The following CNKSR2 variants were observed in gnomAD, a reference collection of about 807,000 sequenced individuals.
The protein encoded by CNKSR2 is connector enhancer of kinase suppressor of Ras 2.
In CNKSR2, 14 loss-of-function variants were observed where a neutral mutation model predicts 84.4. The observed-to-expected ratio is 0.17, with a 90% CI of 0.11 to 0.26. The LOEUF (loss-of-function observed/expected upper bound fraction) is 0.26, where lower values mean the gene tolerates loss of function less well. Among genes scored for constraint, CNKSR2 ranks in the 10% least tolerant of loss-of-function variants. CNKSR2 has a pLI of 1.00. For missense variants in CNKSR2, 485 were observed against 771.2 expected (o/e 0.63, Z 4.40); for synonymous variants, 275 against 277.9 (o/e 0.99, Z 0.10).
intron 3 of CNKSR2, among the ~76,000 whole-genome samples, chrX:21,436,850 C>T (rs911430939): frequency 3.6e-5 from 4 of 111,129 alleles, no homozygotes; most frequent in African/African-American, 9.8e-5. Flanking sequence ...ATTGGAGCCC[C>T]ACCTGACCTT....
intron 13 of CNKSR2, among the ~76,000 whole-genome samples, chrX:21,582,344 G>C (rs1297714089): frequency 8.9e-6 from 1 of 112,237 alleles, no homozygotes; most frequent in African/African-American, 3.2e-5. Flanking sequence ...TAATCTTTCT[G>C]TTTTGGAGAA....
intron 1 of CNKSR2, among the ~76,000 whole-genome samples, chrX:21,398,907 C>T: frequency 9.2e-6 from 1 of 108,941 alleles, no homozygotes; most frequent in Non-Finnish European, 1.9e-5. Flanking sequence ...AATGAAAGCA[C>T]CTTGTATAGT....
rs749300939 is a variant in CNKSR2, at chrX:21,484,584, C to T, written c.562-5875C>T. Among the ~76,000 whole-genome samples, 3 of 111,135 alleles carry T rather than the reference C, an allele frequency of 2.7e-5. No individual in the cohort carries two copies. In the East Asian group the frequency reaches 8.5e-4, roughly 31 times the overall value. On this transcript the variant is annotated intron_variant, in intron 5 of 21. Transcript: ENST00000379510. ...TTTATACTCTTATTCCTTGTATATA[C>T]GTATATACCCAAAAAGTATAAATTT...
chrX:21,415,861 CACACACACACAT>C (rs1349651390), intron 1 of CNKSR2, among the ~76,000 whole-genome samples: 22 of 103,706 alleles, frequency 2.1e-4, no homozygotes, highest in African/African-American at 7.0e-4. Flanking sequence ...CACACACACA[CACACACACACAT>C]ATATATATAT....
At chrX:21,437,489 G>A (rs1018931458) in intron 3 of CNKSR2, among the ~76,000 whole-genome samples, 3 of 97,714 alleles carry the variant, frequency 3.1e-5, no homozygotes, top group Non-Finnish European at 6.1e-5. Flanking sequence ...GCGTGATCTC[G>A]GCTCACTGCA....
chrX:21,473,762 T>TTTTTTTTTTTTTTTTTTTTTTTTTTTTTC (rs2091228123), intron 5 of CNKSR2, among the ~76,000 whole-genome samples: 1 of 95,678 alleles, frequency 1.0e-5, no homozygotes, highest in African/African-American at 4.5e-5. Context: ...TTTTTTTTTT[T>TTTTTTTTTTTTTTTTTTTTTTTTTTTTTC]TTGAGACAGA....
chrX:21,559,922 T>C (rs1601948085), intron 11 of CNKSR2, among the ~76,000 whole-genome samples: 2 of 111,881 alleles, frequency 1.8e-5, no homozygotes, highest in East Asian at 5.6e-4. Flanking sequence ...CAGACTAAAC[T>C]GTATCAGTGT....
At chrX:21,551,750 T>G (rs1372764117) in intron 11 of CNKSR2, among the ~76,000 whole-genome samples, 3 of 111,973 alleles carry the variant, frequency 2.7e-5, no homozygotes, top group Non-Finnish European at 5.6e-5. Flanking sequence ...ACAAGAATGA[T>G]CTGGCCTGAA....
rs927935934 is a variant in CNKSR2, at chrX:21,572,148, A to G, written c.1608+8696A>G. Among the ~76,000 whole-genome samples, 16 of 112,479 alleles carry G rather than the reference A, an allele frequency of 1.4e-4. 1 individual carries two copies. Among genetic ancestry groups the G allele is most frequent in the Admixed American group, 1.4e-3 (15 of 10,646 alleles). On this transcript the variant is annotated intron_variant, in intron 13 of 21. Transcript: ENST00000379510. ...CATTTGCAAACCCCTACATGGGAAC[A>G]GTCTGTACTATGAAAAGTATTTCCC...
chrX:21,602,861 G>C (rs747159892), intron 18 of CNKSR2, among the ~76,000 whole-genome samples: 6 of 112,119 alleles, frequency 5.4e-5, no homozygotes, highest in Non-Finnish European at 1.1e-4. Context: ...TTAAAGACAA[G>C]AATTAGAAGT....
chrX:21,478,133 C>A (rs1339412524), intron 5 of CNKSR2, among the ~76,000 whole-genome samples: 1 of 111,162 alleles, frequency 9.0e-6, no homozygotes, highest in East Asian at 2.8e-4. Flanking sequence ...TTTATGTTTT[C>A]GAAGTTAAGG....
chrX:21,435,659 T>G (rs1309088366), intron 3 of CNKSR2, among the ~76,000 whole-genome samples: 1 of 112,065 alleles, frequency 8.9e-6, no homozygotes, highest in Admixed American at 9.5e-5. Context: ...TACATCCTAC[T>G]GTTTTTGACA....
intron 8 of CNKSR2, among the ~76,000 whole-genome samples, chrX:21,513,475 A>T (rs1311187469): frequency 8.9e-6 from 1 of 112,165 alleles, no homozygotes; most frequent in Non-Finnish European, 1.9e-5. Context: ...GAATATTGAA[A>T]CATCTCTTGG....
intron 3 of CNKSR2, among the ~76,000 whole-genome samples, chrX:21,434,267 G>A (rs1336135589): frequency 9.0e-6 from 1 of 111,598 alleles, no homozygotes; most frequent in African/African-American, 3.3e-5. Context: ...CTGTTAGAGT[G>A]AATAGAAAAT....
chrX:21,565,959 A>G (rs1325113766), intron 13 of CNKSR2, among the ~76,000 whole-genome samples: 2 of 111,409 alleles, frequency 1.8e-5, no homozygotes, highest in Non-Finnish European at 3.8e-5. Context: ...CTGTTTTGCA[A>G]AAAAAAATAC....
Position 21,490,541 on chromosome X carries a change from T to A in CNKSR2, c.644T>A (p.Val215Glu). 8.3e-7 allele frequency: 1 copy of A among 1,209,470 alleles called. No individual in the cohort carries two copies. The highest frequency in any genetic ancestry group is 1.1e-6 in the Non-Finnish European group (1 of 893,917). ...GTTTCACAGTCTGCTCACCTGGAAG[T>A]GATTCAACTGGCAAACATTAAACCA... ...PLVSQSAHLE[V>E]IQLANIKPSE... The change falls in exon 6 of 22, where the codon GTG (valine) becomes GAG (glutamate). Residue 215 changes from valine (V) to glutamate (E), a missense_variant. By Grantham distance (121) the Val-to-Glu change is moderately radical. This residue lies in a region of CNKSR2 where 109 missense variants were observed against 197.5 expected (regional missense o/e 0.55). Coordinates refer to ENST00000379510, the MANE Select transcript of CNKSR2 (RefSeq NM_014927.5).
At chrX:21,592,602 G>T (rs914061112) in intron 15 of CNKSR2, 1 of 110,505 alleles carries the variant, frequency 9.0e-6, no homozygotes, top group Non-Finnish European at 1.9e-5. Flanking sequence ...ATTTTTCAAA[G>T]GGACCTCTCA....
At chrX:21,375,802 T>C (rs2089803748) in intron 1 of CNKSR2, among the ~76,000 whole-genome samples, 1 of 111,804 alleles carries the variant, frequency 8.9e-6, no homozygotes, top group African/African-American at 3.3e-5. Flanking sequence ...ACCACAGTTA[T>C]AGACACTCAC....
chrX:21,607,577 G>A (rs1369197746), intron 19 of CNKSR2, among the ~76,000 whole-genome samples: 7 of 111,465 alleles, frequency 6.3e-5, no homozygotes, highest in African/African-American at 2.3e-4. Context: ...GCCAAGGCGG[G>A]CGGATCACTT....
Sources: gnomAD v4.1 joint callset for allele counts (sites outside exome capture counted in the v4.1 genomes callset) on GRCh38, gnomAD v4.1.1 for gene constraint, gnomAD v4.1.1 regional missense constraint, MANE v1.5 for transcripts, NCBI Gene and HGNC (gene_info 2026-07-23, HGNC 2026-07-21) for gene names.